MYBPC1: variants seen among roughly 807,000 people sequenced by gnomAD.
The protein encoded by MYBPC1 is myosin binding protein C1, also known as myosin-binding protein C, slow-type.
In MYBPC1, 52 loss-of-function variants were observed where a neutral mutation model predicts 147.1. That is an observed-to-expected ratio of 0.35 (90% CI 0.28 to 0.45). The LOEUF is 0.45. Ranked by LOEUF, MYBPC1 falls within the 20% of genes least tolerant of loss-of-function variation. The pLI is 1.00. For missense variants in MYBPC1, 1,228 were observed against 1,440.3 expected, an observed-to-expected ratio of 0.85 and a Z score of 2.39; for synonymous variants, 477 against 475.9, an observed-to-expected ratio of 1.00 and a Z score of -0.03.
chr12:101,642,595 C>A lies in MYBPC1; in HGVS notation c.832+10C>A. On this transcript the variant is annotated intron_variant, in intron 11 of 31. Transcript: ENST00000361466. The stretch of plus-strand genomic sequence containing the variant: ...GAGAAGAAGAGCGCAGGTGAGCGCT[C>A]CCGGGGGCGAGGCAGCGGCCGAGGG... 6.2e-7 allele frequency: 1 copy of A among 1,606,190 alleles called. No homozygotes were observed. The highest frequency in any genetic ancestry group is 1.1e-5 in the South Asian group (1 of 89,750).
At chr12:101,649,744 C>G (rs1461704729) in intron 15 of MYBPC1, among the ~76,000 whole-genome samples, 1 of 152,144 alleles carries the variant, frequency 6.6e-6, no homozygotes, top group Non-Finnish European at 1.5e-5. Flanking sequence ...TGTTAGCTAG[C>G]TATTCATCAA....
At chr12:101,677,131 C>A in intron 26 of MYBPC1, 104 bp from the exon 27 acceptor site, 1 of 1,153,758 alleles carries the variant, frequency 8.7e-7, no homozygotes, top group Admixed American at 2.3e-5. Context: ...GTCTTTTTTT[C>A]TTTTTGTTAA....
chr12:101,692,443 C>G, the MYBPC1 span, among the ~76,000 whole-genome samples: 1 of 152,168 alleles, frequency 6.6e-6, no homozygotes. Context: ...AACATAAGCT[C>G]TGAAATCAGA....
chr12:101,629,656 T>C (rs961581812), intron 6 of MYBPC1, 112 bp downstream of exon 6: 25 of 777,350 alleles, frequency 3.2e-5, no homozygotes, highest in Non-Finnish European at 5.0e-5. Flanking sequence ...GCAGATCATT[T>C]GAGCTCAGGA....
chr12:101,652,864 A>C (rs1188601877), intron 17 of MYBPC1, 80 bp downstream of exon 17: 1 of 1,293,830 alleles, frequency 7.7e-7, no homozygotes, highest in Non-Finnish European at 1.1e-6. Flanking sequence ...TAATATATTC[A>C]AAACTAAGTG....
chr12:101,665,479 C>T (rs1472353088), intron 22 of MYBPC1, among the ~76,000 whole-genome samples: 1 of 151,928 alleles, frequency 6.6e-6, no homozygotes, highest in Non-Finnish European at 1.5e-5. Context: ...GCCTTTCTCT[C>T]GTTTTTGTTT....
At chr12:101,684,145 G>A (rs1951203185) in intron 30 of MYBPC1, among the ~76,000 whole-genome samples, 1 of 152,118 alleles carries the variant, frequency 6.6e-6, no homozygotes. Flanking sequence ...TTCAGGCAAA[G>A]TAGTTGTGCA....
At chr12:101,615,470 A>C (rs1193104198) in intron 2 of MYBPC1, among the ~76,000 whole-genome samples, 1 of 152,108 alleles carries the variant, frequency 6.6e-6, no homozygotes, top group Non-Finnish European at 1.5e-5. Context: ...ATTCAGACAT[A>C]CCTATCATGT....
At chr12:101,642,615 C>T (rs762573567) in intron 11 of MYBPC1, 30 bp downstream of exon 11, 17 of 1,594,238 alleles carry the variant, frequency 1.1e-5, no homozygotes, top group Middle Eastern at 1.7e-4. Context: ...AGGCAGCGGC[C>T]GAGGGGCGTG....
chr12:101,687,867 T>C (rs1360721460), downstream of MYBPC1, among the ~76,000 whole-genome samples: 1 of 152,390 alleles, frequency 6.6e-6, no homozygotes, highest in African/African-American at 2.4e-5. Flanking sequence ...TCCCCACTTA[T>C]GACTTAGGCT....
intron 1 of MYBPC1, among the ~76,000 whole-genome samples, chr12:101,605,056 T>C (rs1400384306): frequency 6.6e-6 from 1 of 152,170 alleles, no homozygotes; most frequent in Admixed American, 6.5e-5. Flanking sequence ...CCTTCTTCCA[T>C]GAGGAAAACA....
the MYBPC1 span, among the ~76,000 whole-genome samples, chr12:101,693,710 C>T: frequency 1.3e-5 from 2 of 151,910 alleles, no homozygotes; most frequent in East Asian, 3.8e-4. Flanking sequence ...TGCACTCCAG[C>T]CTGGGTGACA....
At chr12:101,604,935 G>A (rs1297500430) in intron 1 of MYBPC1, among the ~76,000 whole-genome samples, 2 of 152,110 alleles carry the variant, frequency 1.3e-5, no homozygotes, top group Admixed American at 6.6e-5. Context: ...GACTTTCTGG[G>A]TCACCAAAAT....
chr12:101,603,545 C>T (rs1035215675), intron 1 of MYBPC1, among the ~76,000 whole-genome samples: 2 of 152,134 alleles, frequency 1.3e-5, no homozygotes, highest in Non-Finnish European at 2.9e-5. Context: ...GGCGTCAGGA[C>T]TCTTCTTCCT....
intron 5 of MYBPC1, 136 bp downstream of exon 5, chr12:101,627,940 T>C: frequency 9.6e-7 from 1 of 1,040,152 alleles, no homozygotes; most frequent in Non-Finnish European, 1.5e-6. Context: ...TCATTACGTT[T>C]CCTCTTACAA....
chr12:101,605,171 T>G (rs1565881075), intron 1 of MYBPC1, among the ~76,000 whole-genome samples: 1 of 152,240 alleles, frequency 6.6e-6, no homozygotes, highest in South Asian at 2.1e-4. Flanking sequence ...AGTTGCTAGA[T>G]AGCTGAATTC....
At chr12:101,677,746 A>C (rs1900315023) in intron 27 of MYBPC1, among the ~76,000 whole-genome samples, 1 of 152,200 alleles carries the variant, frequency 6.6e-6, no homozygotes, top group African/African-American at 2.4e-5. Context: ...ACTCTGTGAT[A>C]AAAGGAGAAA....
Position 101,617,259 on chromosome 12 carries a change from GGAGA to G in MYBPC1, c.103+18_103+21del, listed in dbSNP as rs1458306808. ...CCAGCAAAAGGTGAGTTGGAGGGAG[GGAGA>G]GTGAGGCTGAAGTCAACAAAATTAG... On this transcript the variant is annotated intron_variant, in intron 3 of 31. Coordinates refer to ENST00000361466, the MANE Select transcript of MYBPC1 (RefSeq NM_002465.4). The G allele has an allele frequency of 6.2e-7, 1 of 1,613,390 alleles. No individual in the cohort carries two copies. The highest frequency in any genetic ancestry group is 2.2e-5 in the East Asian group (1 of 44,862).
chr12:101,684,511 C>T (rs1201887070), intron 31 of MYBPC1, 87 bp downstream of exon 31: 9 of 1,001,090 alleles, frequency 9.0e-6, no homozygotes, highest in African/African-American at 1.6e-5. Flanking sequence ...ATTTTCATTA[C>T]ATAATCCAAT....
Sources: allele counts gnomAD v4.1 joint callset (sites outside exome capture counted in the v4.1 genomes callset), GRCh38; gene constraint gnomAD v4.1.1; transcripts MANE v1.5; gene names NCBI Gene and HGNC (gene_info 2026-07-23, HGNC 2026-07-21).